SPTB: variants seen among roughly 807,000 people sequenced by gnomAD.
The protein encoded by SPTB is spectrin beta, erythrocytic, also known as spectrin beta chain, erythrocytic.
A neutral mutation model predicts 256.2 loss-of-function variants in SPTB; 45 were observed. That is an observed-to-expected ratio of 0.18 (90% CI 0.14 to 0.23). The LOEUF (loss-of-function observed/expected upper bound fraction) is 0.23, where lower values mean the gene tolerates loss of function less well. Ranked by LOEUF, SPTB falls within the 10% of genes least tolerant of loss-of-function variation. The pLI is 1.00. For synonymous variants in SPTB, 1,231 were observed against 1,243.1 expected, an observed-to-expected ratio of 0.99 and a Z score of 0.21; for missense variants, 2,715 against 3,040.4, an observed-to-expected ratio of 0.89 and a Z score of 2.52.
chr14:64,769,484 C>T (rs1234811314), intron 28 of SPTB, 106 bp downstream of exon 28: 3 of 1,455,346 alleles, frequency 2.1e-6, no homozygotes, highest in African/African-American at 2.8e-5. Flanking sequence ...GCAAGACAAG[C>T]TCCTCAGAAA....
At chr14:64,840,819 G>A (rs1188431123) in intron 1 of SPTB, among the ~76,000 whole-genome samples, 2 of 152,188 alleles carry the variant, frequency 1.3e-5, no homozygotes, top group Non-Finnish European at 2.9e-5. Context: ...GAGACCACAG[G>A]ACAGAGAGGT....
Position 64,785,975 on chromosome 14 carries a change from A to C in SPTB, c.3562-24T>G. 1 of 1,612,852 alleles carries C rather than the reference A, an allele frequency of 6.2e-7. No individual in the cohort carries two copies. Among genetic ancestry groups the C allele is most frequent in the East Asian group, 2.2e-5 (1 of 44,846 alleles). On this transcript the variant is annotated intron_variant, in intron 16 of 35. Transcript: ENST00000644917. This position sits in a 1 kb window ranked among gnomAD's most constrained non-coding sequence, Gnocchi z 4.4. ...TCCTGTTGGAACAAGTTTCCAGACA[A>C]GGCATGAAGACACACGGAGGAGGTG...
chr14:64,836,189 T>G (rs1176593814), intron 1 of SPTB, among the ~76,000 whole-genome samples: 1 of 152,218 alleles, frequency 6.6e-6, no homozygotes, highest in African/African-American at 2.4e-5. Flanking sequence ...GATGGGGCCA[T>G]AAGGTGGAAG....
chr14:64,799,646 C>G, intron 9 of SPTB, 101 bp downstream of exon 9: 1 of 1,358,340 alleles, frequency 7.4e-7, no homozygotes, highest in Non-Finnish European at 1.0e-6. Context: ...TGAGGGTGTG[C>G]CTTGTGGACA....
intron 15 of SPTB, among the ~76,000 whole-genome samples, 144 bp downstream of exon 15, chr14:64,791,565 CAAAAAAAAAA>C (rs563905446): frequency 1.3e-3 from 58 of 45,848 alleles, no homozygotes; most frequent in African/African-American, 4.1e-3. Flanking sequence ...GGTTCTGTGT[CAAAAAAAAAA>C]AAAAAAAAAA....
chr14:64,771,635 C>T (rs1369527986), intron 26 of SPTB, among the ~76,000 whole-genome samples: 1 of 152,128 alleles, frequency 6.6e-6, no homozygotes, highest in Non-Finnish European at 1.5e-5. Flanking sequence ...GCTGCCTCTC[C>T]AAGGAAGTGG....
chr14:64,839,293 A>G (rs2083570131), intron 1 of SPTB, among the ~76,000 whole-genome samples: 2 of 152,244 alleles, frequency 1.3e-5, no homozygotes. Flanking sequence ...TGTATCACAG[A>G]TGCATTCTGC....
intron 2 of SPTB, among the ~76,000 whole-genome samples, chr14:64,817,526 A>T (rs1352691258): frequency 2.0e-5 from 3 of 152,198 alleles, no homozygotes; most frequent in African/African-American, 7.2e-5. Flanking sequence ...ACATGGGGGG[A>T]ACATGGACAA....
In SPTB at chr14:64,830,361, ATTATTATTATTATTAT is replaced by A. The variant is rs748926851; in HGVS notation, c.-51-7232_-51-7217del. Among the ~76,000 whole-genome samples, 444 of 134,498 alleles carry A rather than the reference ATTATTATTATTATTAT, an allele frequency of 3.3e-3. 6 individuals carry two copies. In the East Asian group the frequency reaches 0.036, roughly 11 times the overall value. The allele number at this position is 134,498 out of a possible 152,430, so 88.2% of individuals were successfully genotyped here. On this transcript the variant is annotated intron_variant, in intron 1 of 35. Coordinates refer to ENST00000644917, the MANE Select transcript of SPTB (RefSeq NM_001355436.2). ...TATTATTATTATTATTATTATTATT[ATTATTATTATTATTAT>A]TATTTTATTTTATTTTTTGAGATGG...
chr14:64,844,763 C>T lies in SPTB; in HGVS notation c.-51-21618G>A, dbSNP rs187318003. 2.2e-4 allele frequency among the ~76,000 whole-genome samples: 33 copies of T among 152,328 alleles called. No individual in the cohort carries two copies. The East Asian group carries it at 6.0e-3, about 28-fold the overall frequency. ...TTACTATTCTCCCCAACTCCCTATC[C>T]CATTTCTACTAAAAATAGCCCAACA... On this transcript the variant is annotated intron_variant, in intron 1 of 35. Coordinates refer to ENST00000644917, the MANE Select transcript of SPTB (RefSeq NM_001355436.2). The surrounding 1 kb of genome is among the most constrained non-coding windows in gnomAD (Gnocchi z 4.1).
chr14:64,863,055 A>G (rs754792951), intron 1 of SPTB, among the ~76,000 whole-genome samples: 3 of 151,964 alleles, frequency 2.0e-5, no homozygotes, highest in Non-Finnish European at 4.4e-5. Context: ...TTCCATTCCT[A>G]CTGCCCTGGT....
intron 1 of SPTB, among the ~76,000 whole-genome samples, chr14:64,879,467 A>G (rs2139842867): frequency 6.6e-6 from 1 of 152,306 alleles, no homozygotes; most frequent in South Asian, 2.1e-4. Flanking sequence ...GCGGACGAGA[A>G]CACGCACCCC....
chr14:64,868,771 A>T (rs186064859), intron 1 of SPTB, among the ~76,000 whole-genome samples: 91 of 152,320 alleles, frequency 6.0e-4, no homozygotes, highest in East Asian at 6.0e-3. Flanking sequence ...TTTGACAATA[A>T]TTCCGACCTT....
chr14:64,823,883 C>G lies in SPTB; in HGVS notation c.-51-738G>C, dbSNP rs1417705511. On this transcript the variant is annotated intron_variant, in intron 1 of 35. Coordinates refer to ENST00000644917, the MANE Select transcript of SPTB (RefSeq NM_001355436.2). The surrounding 1 kb of genome is among the most constrained non-coding windows in gnomAD (Gnocchi z 6.5). ...CAAAGGAGCCTGCTGTCCCATCAAG[C>G]ACGTGGCAGTCGGGGCATCCCATGG... 6.6e-6 allele frequency among the ~76,000 whole-genome samples: 1 copy of G among 152,212 alleles called. No homozygotes were observed. The highest frequency in any genetic ancestry group is 1.5e-5 in the Non-Finnish European group (1 of 68,032).
intron 1 of SPTB, among the ~76,000 whole-genome samples, chr14:64,851,523 G>A (rs145169358): frequency 1.1e-4 from 16 of 152,208 alleles, no homozygotes; most frequent in East Asian, 5.8e-4. Flanking sequence ...GCAGCAGTAC[G>A]AGTTTGTCCT....
In SPTB at chr14:64,773,335, T is replaced by C. The variant is rs375616137; in HGVS notation, c.5063A>G (p.Asn1688Ser). 95 of 1,614,034 alleles carry C rather than the reference T, an allele frequency of 5.9e-5. No homozygotes were observed. Among genetic ancestry groups the C allele is most frequent in the Non-Finnish European group, 7.8e-5 (92 of 1,180,048 alleles). Reference protein sequence around the residue: ...VAEERKRKLENMYHLFQLKRE... With the variant: ...VAEERKRKLESMYHLFQLKRE... Reference sequence around the variant, plus strand: ...CTTGAGCTGGAACAGGTGGTACATGTTCTCCAGCTTGCGCTTGCGCTCTTC... The same window carrying C: ...CTTGAGCTGGAACAGGTGGTACATGCTCTCCAGCTTGCGCTTGCGCTCTTC... The change falls in exon 25 of 36, where the codon AAC (asparagine) becomes AGC (serine). Residue 1688 changes from asparagine to serine, a missense_variant. Transcript: ENST00000644917.
intron 13 of SPTB, 125 bp downstream of exon 13, chr14:64,794,342 A>G (rs1230637691): frequency 5.3e-6 from 7 of 1,318,766 alleles, no homozygotes; most frequent in African/African-American, 1.5e-5. Context: ...TTCTTGGACC[A>G]TTACTTGATG....
Position 64,769,686 on chromosome 14 carries a change from G to A in SPTB, c.5841C>T (p.Gly1947=). ...SVELLMKYHQ[G]INAEIETRSK... is the part of the protein sequence containing the mutation. ...TCCGGGTTTCAATCTCTGCATTGAT[G>A]CCCTGGTGATACTTCATGAGCAGTT... Residue 1947 remains glycine, a synonymous_variant, in exon 28 of 36, where the codon GGC becomes GGT. Transcript: ENST00000644917. 2 of 1,614,204 alleles carry A rather than the reference G, an allele frequency of 1.2e-6. No homozygotes were observed. The highest frequency in any genetic ancestry group is 1.7e-6 in the Non-Finnish European group (2 of 1,180,036).
At chr14:64,855,343 C>G (rs2083854878) in intron 1 of SPTB, among the ~76,000 whole-genome samples, 1 of 152,160 alleles carries the variant, frequency 6.6e-6, no homozygotes, top group African/African-American at 2.4e-5. Context: ...GAGTAGAATG[C>G]ACTCAAAACA....
Sources: allele counts gnomAD v4.1 joint callset (sites outside exome capture counted in the v4.1 genomes callset), GRCh38; gene constraint gnomAD v4.1.1; non-coding constraint Gnocchi (gnomAD v3.1); transcripts MANE v1.5; gene names NCBI Gene and HGNC (gene_info 2026-07-23, HGNC 2026-07-21).